The following RNF144B variants were observed in gnomAD, a reference collection of about 807,000 sequenced individuals.
RNF144B encodes the protein ring finger protein 144B, also known as E3 ubiquitin-protein ligase RNF144B.
RNF144B carries 25 observed loss-of-function variants against 40.2 expected under a neutral mutation model. The ratio of observed to expected loss-of-function variants is 0.62; its 90% confidence interval spans 0.45 to 0.87. RNF144B has a LOEUF of 0.87. Ranked by LOEUF, RNF144B falls within the 40% of genes least tolerant of loss-of-function variation. The pLI is 0.00. For synonymous variants in RNF144B, 145 were observed against 136.3 expected (o/e 1.06, Z -0.44); for missense variants, 365 against 373.7 (o/e 0.98, Z 0.19).
intron 4 of RNF144B, among the ~76,000 whole-genome samples, chr6:18,453,514 A>AT (rs886555623): frequency 2.4e-4 from 37 of 151,784 alleles, no homozygotes; most frequent in African/African-American, 6.8e-4. Context: ...ATATTGATTT[A>AT]TTTTTTTTAA....
chr6:18,436,902 T>A (rs992623291), intron 3 of RNF144B, among the ~76,000 whole-genome samples: 1 of 23,564 alleles, frequency 4.2e-5, no homozygotes, highest in African/African-American at 7.9e-5. Flanking sequence ...CATTTGTTGT[T>A]GTGTTTTTTT....
chr6:18,391,178 A>C (rs543807887), intron 1 of RNF144B, among the ~76,000 whole-genome samples: 1 of 152,178 alleles, frequency 6.6e-6, no homozygotes, highest in Admixed American at 6.5e-5. Flanking sequence ...CTCTTGCTCT[A>C]TAAGGCTCTT....
chr6:18,417,769 A>T (rs1488071623), intron 2 of RNF144B, among the ~76,000 whole-genome samples: 1 of 152,186 alleles, frequency 6.6e-6, no homozygotes, highest in East Asian at 1.9e-4. Context: ...TTTTGCTTCA[A>T]TGGACATCAT....
At chr6:18,432,617 C>T (rs1414143057) in intron 3 of RNF144B, among the ~76,000 whole-genome samples, 2 of 152,186 alleles carry the variant, frequency 1.3e-5, no homozygotes, top group South Asian at 2.1e-4. Context: ...TTAAGCAGTT[C>T]CCATGTAGTG....
rs553669998 is a variant in RNF144B, at chr6:18,465,633, G to T, written c.*566G>T. On this transcript the variant is annotated 3_prime_UTR_variant, in exon 8 of 8. Transcript: ENST00000259939. ...CTGGGTGTGCTGTCCCCATGTTCCCGCTGTGATTTGGCAGAAACACAATAG... is the reference window on the plus strand; with the variant it reads ...CTGGGTGTGCTGTCCCCATGTTCCCTCTGTGATTTGGCAGAAACACAATAG... 6.6e-6 allele frequency: 1 copy of T among 152,460 alleles called. No homozygotes were observed. The highest frequency in any genetic ancestry group is 6.5e-5 in the Admixed American group (1 of 15,288). 9.4% of individuals were successfully genotyped at this position (152,460 alleles called of 1,614,324 possible). A position where few individuals can be genotyped will look rare whatever the true frequency, so the allele number is the denominator to read the frequency against.
Position 18,467,400 on chromosome 6 carries a change from G to GTTTTTTTTTTT in RNF144B, c.*2342_*2352dup, listed in dbSNP as rs66505065. ...TTGTATCACTGAATTAGCTGCTTTT[G>GTTTTTTTTTTT]TTTTTTTTTTTTTTTTTTTGCCAGG... On this transcript the variant is annotated 3_prime_UTR_variant, in exon 8 of 8. Coordinates refer to ENST00000259939, the MANE Select transcript of RNF144B (RefSeq NM_182757.4). 1.3e-3 allele frequency: 131 copies of GTTTTTTTTTTT among 102,230 alleles called. 2 individuals are homozygous for GTTTTTTTTTTT. Among genetic ancestry groups the GTTTTTTTTTTT allele is most frequent in the African/African-American group, 1.7e-3 (43 of 25,974 alleles). 6.3% of individuals were successfully genotyped at this position (102,230 alleles called of 1,614,324 possible).
Position 18,434,145 on chromosome 6 carries a change from C to T in RNF144B, c.271-5539C>T, listed in dbSNP as rs1288665689. Among the ~76,000 whole-genome samples the T allele has an allele frequency of 6.6e-6, 1 of 152,192 alleles. No homozygotes were observed. The highest frequency in any genetic ancestry group is 6.5e-5 in the Admixed American group (1 of 15,278). ...AGTAAAGTCTGGGCGCTTTTTCCTT[C>T]TGTTTGGGCTTTCCGGACTCTGATG... is the stretch of plus-strand genomic sequence containing the variant. On this transcript the variant is annotated intron_variant, in intron 3 of 7. Transcript: ENST00000259939. This position sits in a 1 kb window ranked among gnomAD's most constrained non-coding sequence, Gnocchi z 4.1.
Position 18,405,557 on chromosome 6 carries a change from A to G in RNF144B, c.165+5858A>G, listed in dbSNP as rs1220496207. Among the ~76,000 whole-genome samples the G allele has an allele frequency of 2.0e-5, 3 of 152,204 alleles. No individual in the cohort carries two copies. The highest frequency in any genetic ancestry group is 4.4e-5 in the Non-Finnish European group (3 of 68,036). ...GTGAATTTGTCTTTGTTTGTGAAAT[A>G]ACTTCAATATACTCACTGCTTATAT... On this transcript the variant is annotated intron_variant, in intron 2 of 7. Transcript: ENST00000259939. This position sits in a 1 kb window ranked among gnomAD's most constrained non-coding sequence, Gnocchi z 4.5.
chr6:18,452,548 G>A (rs1301823685), intron 4 of RNF144B, among the ~76,000 whole-genome samples: 1 of 152,062 alleles, frequency 6.6e-6, no homozygotes, highest in Non-Finnish European at 1.5e-5. Context: ...CTAGGGGACA[G>A]CTTAGTTCCA....
At position 18,466,170 on chromosome 6, in the gene RNF144B, T is replaced by C. The variant is rs763593152; in HGVS notation, c.*1103T>C. ...CTGCCTAAAGATTTTTTGCATATTA[T>C]ATATGTGAATTTTGGTTGTAAGTTC... On this transcript the variant is annotated 3_prime_UTR_variant, in exon 8 of 8. Transcript: ENST00000259939. The C allele has an allele frequency of 6.6e-6, 1 of 152,264 alleles. No homozygotes were observed. The highest frequency in any genetic ancestry group is 1.5e-5 in the Non-Finnish European group (1 of 68,050). 9.4% of individuals were successfully genotyped at this position (152,264 alleles called of 1,614,324 possible).
rs768523984 is a variant in RNF144B at position 18,422,094 on chromosome 6, C to G, written c.166-5487C>G. Among the ~76,000 whole-genome samples, 1 of 152,122 alleles carries G rather than the reference C, an allele frequency of 6.6e-6. No homozygotes were observed. Among genetic ancestry groups the G allele is most frequent in the African/African-American group, 2.4e-5 (1 of 41,434 alleles). On this transcript the variant is annotated intron_variant, in intron 2 of 7. Coordinates refer to ENST00000259939, the MANE Select transcript of RNF144B (RefSeq NM_182757.4). This position sits in a 1 kb window ranked among gnomAD's most constrained non-coding sequence, Gnocchi z 4.7. ...GGTTTTGTAAGAAAAATTTTAGGAT[C>G]GGACTATACCAGGAAACAGCTTCCT...
At chr6:18,420,203 A>G (rs1795229984) in intron 2 of RNF144B, among the ~76,000 whole-genome samples, 1 of 151,806 alleles carries the variant, frequency 6.6e-6, no homozygotes, top group Non-Finnish European at 1.5e-5. Flanking sequence ...TTACTAGTCT[A>G]CCATCTCTAA....
In RNF144B at chr6:18,457,848, C is replaced by T. The variant is rs1300913835; in HGVS notation, c.536+489C>T. ...TTCAGCACGTAGAAAGGAGGGTTCTCTCATGATATTTTATGCTCTGTAAAG... is the reference window on the plus strand; with the variant it reads ...TTCAGCACGTAGAAAGGAGGGTTCTTTCATGATATTTTATGCTCTGTAAAG... On this transcript the variant is annotated intron_variant, in intron 5 of 7. Transcript: ENST00000259939. This position sits in a 1 kb window ranked among gnomAD's most constrained non-coding sequence, Gnocchi z 5.1. Among the ~76,000 whole-genome samples, 1 of 152,168 alleles carries T rather than the reference C, an allele frequency of 6.6e-6. No homozygotes were observed. The highest frequency in any genetic ancestry group is 2.4e-5 in the African/African-American group (1 of 41,426).
In RNF144B at chr6:18,459,272, T is replaced by C. The variant is rs1178421433; in HGVS notation, c.537-335T>C. The stretch of plus-strand genomic sequence containing the variant: ...TTAGATAGATTATATACGCCCAGTT[T>C]GGACCCTGACCTAGTTTCTCTGCTG... On this transcript the variant is annotated intron_variant, in intron 5 of 7. Transcript: ENST00000259939. This position sits in a 1 kb window ranked among gnomAD's most constrained non-coding sequence, Gnocchi z 4.2. 6.6e-6 allele frequency among the ~76,000 whole-genome samples: 1 copy of C among 152,248 alleles called. No homozygotes were observed. Among genetic ancestry groups the C allele is most frequent in the Non-Finnish European group, 1.5e-5 (1 of 68,038 alleles).
intron 2 of RNF144B, among the ~76,000 whole-genome samples, chr6:18,411,481 A>T (rs1375570766): frequency 7.2e-5 from 2 of 27,892 alleles, no homozygotes; most frequent in African/African-American, 1.1e-4. Context: ...ATATATATAT[A>T]TATATATATA....
intron 2 of RNF144B, among the ~76,000 whole-genome samples, chr6:18,409,558 A>C (rs1794991510): frequency 1.3e-5 from 1 of 78,026 alleles, no homozygotes; most frequent in Non-Finnish European, 2.9e-5. Context: ...TCACTTGCAT[A>C]ACCTTTTTTT....
rs1286829974 is a variant in RNF144B, at chr6:18,442,970, A to G, written c.331+3226A>G. On this transcript the variant is annotated intron_variant, in intron 4 of 7. Transcript: ENST00000259939. The surrounding 1 kb of genome is among the most constrained non-coding windows in gnomAD (Gnocchi z 4.3). ...TTTCAGTTGTTTCCACCTTTTGGCT[A>G]CTGTAAGTAATGCTGCTGTGAACAC... Among the ~76,000 whole-genome samples the G allele has an allele frequency of 6.6e-6, 1 of 152,156 alleles. No individual in the cohort carries two copies. Among genetic ancestry groups the G allele is most frequent in the Non-Finnish European group, 1.5e-5 (1 of 68,032 alleles).
Position 18,444,042 on chromosome 6 carries a change from T to C in RNF144B, c.331+4298T>C, listed in dbSNP as rs943736842. ...ATCATCCTTAGTTTTTTCCAATTCT[T>C]AGTGCCTGCCAAGTTCTTTTAGTCT... On this transcript the variant is annotated intron_variant, in intron 4 of 7. Transcript: ENST00000259939. The surrounding 1 kb of genome is among the most constrained non-coding windows in gnomAD (Gnocchi z 4.3). Among the ~76,000 whole-genome samples, 2 of 152,224 alleles carry C rather than the reference T, an allele frequency of 1.3e-5. No individual in the cohort carries two copies. The highest frequency in any genetic ancestry group is 2.9e-5 in the Non-Finnish European group (2 of 68,040).
chr6:18,390,728 G>C (rs898853471), intron 1 of RNF144B, among the ~76,000 whole-genome samples: 4 of 152,154 alleles, frequency 2.6e-5, no homozygotes, highest in African/African-American at 9.7e-5. Flanking sequence ...TGAACTTGTG[G>C]CTGAAACCAT....
Sources: allele counts gnomAD v4.1 joint callset (sites outside exome capture counted in the v4.1 genomes callset), GRCh38; gene constraint gnomAD v4.1.1; non-coding constraint Gnocchi (gnomAD v3.1); transcripts MANE v1.5; gene names NCBI Gene and HGNC (gene_info 2026-07-23, HGNC 2026-07-21).